Variants in SPTBN1 observed in about 807,000 individuals in gnomAD.
SPTBN1 encodes the protein spectrin beta chain, non-erythrocytic 1.
In SPTBN1, 32 loss-of-function variants were observed where a neutral mutation model predicts 266.4. That is an observed-to-expected ratio of 0.12 (90% confidence interval 0.09 to 0.16). The LOEUF (loss-of-function observed/expected upper bound fraction) is 0.16. Ranked by LOEUF, SPTBN1 falls within the 10% of genes least tolerant of loss-of-function variation. The pLI is 1.00. For synonymous variants in SPTBN1, 1,336 were observed against 1,162.2 expected (o/e 1.15, Z -3.04); for missense variants, 2,296 against 3,067.1 (o/e 0.75, Z 5.94).
chr2:54,567,022 A>G (rs1165575658), intron 2 of SPTBN1, among the ~76,000 whole-genome samples: 1 of 152,220 alleles, frequency 6.6e-6, no homozygotes, highest in African/African-American at 2.4e-5. Flanking sequence ...ATTAACAAAT[A>G]TTTATTGATT....
intron 1 of SPTBN1, chr2:54,515,656 A>G (rs6746016): frequency 0.82 from 125,146 of 152,104 alleles, 51,927 homozygotes; most frequent in African/African-American, 0.94. Flanking sequence ...TTGAAGATGA[A>G]TGGCTGGGAC....
chr2:54,590,743 A>C (rs937512821), intron 2 of SPTBN1, among the ~76,000 whole-genome samples: 2 of 152,236 alleles, frequency 1.3e-5, no homozygotes, highest in Admixed American at 6.5e-5. Flanking sequence ...AAGACCTGTT[A>C]GGTTGGAACA....
chr2:54,573,609 C>T (rs1027096435), intron 2 of SPTBN1, among the ~76,000 whole-genome samples: 2 of 152,222 alleles, frequency 1.3e-5, no homozygotes, highest in Non-Finnish European at 2.9e-5. Flanking sequence ...CCTCCTCCCT[C>T]AGCGGGAATT....
Position 54,668,754 on chromosome 2 carries a change from G to T in SPTBN1, c.*185G>T. The T allele has an allele frequency of 1.8e-6, 1 of 571,108 alleles. No individual in the cohort carries two copies. The highest frequency in any genetic ancestry group is 3.0e-6 in the Non-Finnish European group (1 of 333,426). The allele number at this position is 571,108 out of a possible 1,614,324, so 35.4% of individuals were successfully genotyped here. A position where few individuals can be genotyped will look rare whatever the true frequency, so the allele number is the denominator to read the frequency against. ...ACACACCTAAACACTTTATCTCCAA[G>T]TTACAAAAGTTTGAGGTGCAGAGGG... On this transcript the variant is annotated 3_prime_UTR_variant, in exon 36 of 36. Transcript: ENST00000356805.
intron 1 of SPTBN1, among the ~76,000 whole-genome samples, chr2:54,479,159 G>A (rs1667985053): frequency 6.6e-6 from 1 of 152,186 alleles, no homozygotes; most frequent in South Asian, 2.1e-4. Context: ...GCCCAGGGAT[G>A]TCAGTGAAGG....
rs145028729 is a variant in SPTBN1 at position 54,549,029 on chromosome 2, G to T, written c.148+22463G>T. The stretch of plus-strand genomic sequence containing the variant: ...GTAAGACTTGCATTTGGCTGGGCAC[G>T]GTGGCTCACGCCTGTAATCCCAGCA... On this transcript the variant is annotated intron_variant, in intron 2 of 35. Transcript: ENST00000356805. Among the ~76,000 whole-genome samples the T allele has an allele frequency of 3.2e-3, 483 of 152,252 alleles. 1 individual carries two copies. Among genetic ancestry groups the T allele is most frequent in the African/African-American group, 0.011 (461 of 41,544 alleles).
At chr2:54,508,940 C>G (rs1218709355) in intron 1 of SPTBN1, among the ~76,000 whole-genome samples, 1 of 152,106 alleles carries the variant, frequency 6.6e-6, no homozygotes, top group Non-Finnish European at 1.5e-5. Flanking sequence ...GCCTATATAA[C>G]AGCATGGTGG....
intron 2 of SPTBN1, among the ~76,000 whole-genome samples, chr2:54,586,251 A>G (rs1404368581): frequency 6.6e-6 from 1 of 152,224 alleles, no homozygotes; most frequent in East Asian, 1.9e-4. Context: ...AGACAGTCGT[A>G]TTTAATTTAT....
intron 2 of SPTBN1, among the ~76,000 whole-genome samples, chr2:54,571,789 T>C (rs1277065325): frequency 6.6e-6 from 1 of 152,208 alleles, no homozygotes; most frequent in African/African-American, 2.4e-5. Flanking sequence ...GGTAAAGTAA[T>C]ATAAGCAGTA....
At chr2:54,567,074 C>T (rs1457921625) in intron 2 of SPTBN1, among the ~76,000 whole-genome samples, 3 of 152,206 alleles carry the variant, frequency 2.0e-5, no homozygotes, top group Non-Finnish European at 2.9e-5. Flanking sequence ...TTAAAAAGTG[C>T]ATGGGTGTGT....
Position 54,621,378 on chromosome 2 carries a change from CAG to C in SPTBN1, c.764-19_764-18del. ...GCACAGTAGCATGCAACACACTGAA[CAG>C]AGTCTTCTCTGGGTTACAGACATCA... On this transcript the variant is annotated intron_variant, in intron 7 of 35. Coordinates refer to ENST00000356805, the MANE Select transcript of SPTBN1 (RefSeq NM_003128.3). The C allele has an allele frequency of 1.3e-6, 2 of 1,595,026 alleles. No homozygotes were observed. The highest frequency in any genetic ancestry group is 8.6e-7 in the Non-Finnish European group (1 of 1,163,496).
intron 1 of SPTBN1, among the ~76,000 whole-genome samples, chr2:54,480,892 A>G (rs985524421): frequency 2.6e-5 from 4 of 152,220 alleles, no homozygotes; most frequent in Non-Finnish European, 5.9e-5. Context: ...GGCCAGCTCT[A>G]GGAGTTCTCG....
chr2:54,559,460 G>T (rs1483911151), intron 2 of SPTBN1, among the ~76,000 whole-genome samples: 1 of 152,180 alleles, frequency 6.6e-6, no homozygotes, highest in Non-Finnish European at 1.5e-5. Flanking sequence ...AATGAAAGCC[G>T]GTTATTGTCA....
At position 54,649,497 on chromosome 2, in the gene SPTBN1, T is replaced by G; in HGVS notation, c.5203-118T>G. ...GCTAAGATCTATTGTTCTGAAGTCA[T>G]GAGTATTATTGGCTACATCTTGCTT... On this transcript the variant is annotated intron_variant, in intron 25 of 35. Transcript: ENST00000356805. The surrounding 1 kb of genome is among the most constrained non-coding windows in gnomAD (Gnocchi z 6.7). 410 of 1,416,182 alleles carry G rather than the reference T, an allele frequency of 2.9e-4. No homozygotes were observed. The highest frequency in any genetic ancestry group is 3.6e-4 in the Non-Finnish European group (378 of 1,059,728). 87.7% of individuals were successfully genotyped at this position (1,416,182 alleles called of 1,614,324 possible). A position where few individuals can be genotyped will look rare whatever the true frequency, so the allele number is the denominator to read the frequency against.
At chr2:54,467,504 C>T (rs1337728871) in intron 1 of SPTBN1, among the ~76,000 whole-genome samples, 2 of 152,108 alleles carry the variant, frequency 1.3e-5, no homozygotes, top group Admixed American at 1.3e-4. Context: ...AAGCGATTCT[C>T]CTGCCTCAGC....
At chr2:54,596,087 C>T (rs1440163004) in intron 2 of SPTBN1, among the ~76,000 whole-genome samples, 1 of 152,140 alleles carries the variant, frequency 6.6e-6, no homozygotes, top group East Asian at 1.9e-4. Flanking sequence ...CGGCTCACTG[C>T]CCTCTGCTGC....
intron 2 of SPTBN1, among the ~76,000 whole-genome samples, chr2:54,584,063 A>G (rs370038514): frequency 2.0e-5 from 3 of 152,344 alleles, no homozygotes; most frequent in African/African-American, 7.2e-5. Flanking sequence ...TTTGGAAGAT[A>G]TCCTTCGATA....
At chr2:54,481,747 A>T (rs777136503) in intron 1 of SPTBN1, among the ~76,000 whole-genome samples, 1 of 152,090 alleles carries the variant, frequency 6.6e-6, no homozygotes, top group Non-Finnish European at 1.5e-5. Flanking sequence ...AGGCGCAGAG[A>T]GTGTGTGGAT....
In SPTBN1 at chr2:54,615,312, C is replaced by T. The variant is rs972354325; in HGVS notation, c.475-895C>T. 1.2e-4 allele frequency among the ~76,000 whole-genome samples: 18 copies of T among 152,086 alleles called. No homozygotes were observed. The East Asian group carries it at 2.3e-3, about 19-fold the overall frequency. On this transcript the variant is annotated intron_variant, in intron 4 of 35. Coordinates refer to ENST00000356805, the MANE Select transcript of SPTBN1 (RefSeq NM_003128.3). The stretch of plus-strand genomic sequence containing the variant: ...GGTAGTGGGGAGCATGACAGAGCAG[C>T]GAAGCTTAAAATGGCTACAGCTGGA...
Sources: gnomAD v4.1 joint callset for allele counts (sites outside exome capture counted in the v4.1 genomes callset) on GRCh38, gnomAD v4.1.1 for gene constraint, Gnocchi (gnomAD v3.1) non-coding constraint, MANE v1.5 for transcripts, NCBI Gene and HGNC (gene_info 2026-07-23, HGNC 2026-07-21) for gene names.